Variants in RNF10 observed in about 807,000 individuals in gnomAD.
RNF10 encodes the protein E3 ubiquitin-protein ligase RNF10.
Under a neutral mutation model 91.4 loss-of-function variants are expected in RNF10, and 38 were observed. That is an observed-to-expected ratio of 0.42 (90% confidence interval 0.32 to 0.54). RNF10 has a LOEUF of 0.54. Ranked by LOEUF, RNF10 falls within the 20% of genes least tolerant of loss-of-function variation. The pLI is 0.16. For synonymous variants in RNF10, 364 were observed against 366.3 expected (o/e 0.99, Z 0.07); for missense variants, 945 against 1,012.0 (o/e 0.93, Z 0.90).
rs1393173589 is a variant in RNF10, at chr12:120,563,586, A to G, written c.1494A>G (p.Thr498=). The G allele has an allele frequency of 6.2e-7, 1 of 1,611,464 alleles. No homozygotes were observed. Among genetic ancestry groups the G allele is most frequent in the East Asian group, 2.2e-5 (1 of 44,864 alleles). Residue 498 remains threonine (T), a synonymous_variant, in exon 9 of 17, where the codon ACA becomes ACG. Transcript: ENST00000325954. ...AACCCATCACCAAGTCAGGCTTCAC[A>G]CGCCTCAGCAGCTCTCCTTGTTACT... is the stretch of plus-strand genomic sequence containing the variant. ...QQEPITKSGF[T]RLSSSPCYYF...
intron 14 of RNF10, among the ~76,000 whole-genome samples, chr12:120,573,234 C>G (rs1297924425): frequency 6.6e-6 from 1 of 152,120 alleles, no homozygotes; most frequent in Non-Finnish European, 1.5e-5. Context: ...ATTTATATCT[C>G]CACATTTGTC....
At chr12:120,566,412 ATCC>A (rs1875710120) in intron 12 of RNF10, among the ~76,000 whole-genome samples, 1 of 152,182 alleles carries the variant, frequency 6.6e-6, no homozygotes, top group Non-Finnish European at 1.5e-5. Context: ...TTTTGTCTGC[ATCC>A]TCTAGACCTT....
intron 14 of RNF10, among the ~76,000 whole-genome samples, chr12:120,574,069 G>T (rs1877041408): frequency 6.6e-6 from 1 of 152,190 alleles, no homozygotes; most frequent in Non-Finnish European, 1.5e-5. Flanking sequence ...CCCACTTCCA[G>T]CATTGGGGAT....
chr12:120,544,493 C>CA (rs1425725000), intron 1 of RNF10, among the ~76,000 whole-genome samples: 1 of 151,908 alleles, frequency 6.6e-6, no homozygotes, highest in Non-Finnish European at 1.5e-5. Context: ...CTCGTCTCTA[C>CA]AAAAAACACA....
At chr12:120,546,688 G>T in intron 2 of RNF10, 87 bp downstream of exon 2, 1 of 1,200,138 alleles carries the variant, frequency 8.3e-7, no homozygotes, top group Non-Finnish European at 1.2e-6. Context: ...TAGTTGAGAA[G>T]GGGAACAAGA....
chr12:120,574,723 C>T (rs1398485025), intron 14 of RNF10: 2 of 325,860 alleles, frequency 6.1e-6, no homozygotes, highest in South Asian at 2.5e-5. Context: ...GTCAGGAGTT[C>T]GAGACCAGCC....
In RNF10 at chr12:120,557,265, G is replaced by T; in HGVS notation, c.646-17G>T. 1 of 1,612,424 alleles carries T rather than the reference G, an allele frequency of 6.2e-7. No homozygotes were observed. ...AGTTCTTCAAGCAGTGAACCTTCTG[G>T]TGGCATTTTGTTTCAGCGCATTTGT... is the stretch of plus-strand genomic sequence containing the variant. On this transcript the variant is annotated splice_polypyrimidine_tract_variant and intron_variant, in intron 4 of 16. Coordinates refer to ENST00000325954, the MANE Select transcript of RNF10 (RefSeq NM_014868.5).
rs1877287598 is a variant in RNF10, at chr12:120,575,662, T to G, written c.2174T>G (p.Val725Gly). ...MLRVGKAKAD[V>G]WPKTAPKKDE... ...AGGGTTGGAAAAGCAAAAGCAGATGTGTGGCCCAAAACTGCTCCAAAGAAA... is the reference window on the plus strand; with the variant it reads ...AGGGTTGGAAAAGCAAAAGCAGATGGGTGGCCCAAAACTGCTCCAAAGAAA... The change falls in exon 15 of 17, where the codon GTG (valine) becomes GGG (glycine). Residue 725 changes from valine (V) to glycine (G), a missense_variant. Coordinates refer to ENST00000325954, the MANE Select transcript of RNF10 (RefSeq NM_014868.5). The G allele has an allele frequency of 6.2e-7, 1 of 1,614,228 alleles. No homozygotes were observed. The highest frequency in any genetic ancestry group is 1.3e-5 in the African/African-American group (1 of 75,058).
Position 120,576,801 on chromosome 12 carries a change from A to C in RNF10, c.*135A>C. 1 of 1,213,632 alleles carries C rather than the reference A, an allele frequency of 8.2e-7. No individual in the cohort carries two copies. Among genetic ancestry groups the C allele is most frequent in the South Asian group, 1.5e-5 (1 of 66,692 alleles). 75.2% of individuals were successfully genotyped at this position (1,213,632 alleles called of 1,614,324 possible). ...AGCTCTGGGGGGAGGGGGTTTCCAC[A>C]ATGTGAGGGGGAACCAAGAAAATTT... On this transcript the variant is annotated 3_prime_UTR_variant, in exon 17 of 17. Transcript: ENST00000325954.
At position 120,563,391 on chromosome 12, in the gene RNF10, A is replaced by T. The variant is rs16950277; in HGVS notation, c.1299A>T (p.Glu433Asp). The T allele has an allele frequency of 1.2e-5, 20 of 1,613,896 alleles. No homozygotes were observed. The African/African-American group carries it at 2.5e-4, about 20-fold the overall frequency. Reference protein sequence around the residue: ...YLSAFDEETTEVCSLDTPSRP... With the variant: ...YLSAFDEETTDVCSLDTPSRP... ...CTGCCTTCGATGAAGAAACCACGGAAGTTTGTTCTCTGGACACTCCTTCTA... is the reference window on the plus strand; with the variant it reads ...CTGCCTTCGATGAAGAAACCACGGATGTTTGTTCTCTGGACACTCCTTCTA... Residue 433 changes from glutamate (E) to aspartate (D), a missense_variant, in exon 9 of 17, where the codon GAA becomes GAT. Physicochemically the swap from Glu to Asp is conservative, Grantham distance 45. Transcript: ENST00000325954.
intron 2 of RNF10, among the ~76,000 whole-genome samples, chr12:120,550,666 G>A (rs566975114): frequency 1.1e-4 from 17 of 151,230 alleles, no homozygotes; most frequent in Admixed American, 7.9e-4. Context: ...GCGTGATCTC[G>A]GCTCACTGCC....
Position 120,560,739 on chromosome 12 carries a change from C to T in RNF10, c.981C>T (p.Ser327=). 6.2e-7 allele frequency: 1 copy of T among 1,613,844 alleles called. No homozygotes were observed. Among genetic ancestry groups the T allele is most frequent in the Non-Finnish European group, 8.5e-7 (1 of 1,179,810 alleles). The stretch of plus-strand genomic sequence containing the variant: ...GCATTCTTATAGATGAACAGCACAG[C>T]CAGTACTCCAAGTTGCTGCTGGCCT... ...HPIHLGDEQH[S]QYSKLLLASK... Residue 327 remains serine, a synonymous_variant, in exon 7 of 17, where the codon AGC becomes AGT. Transcript: ENST00000325954.
chr12:120,559,176 C>CTTTTTTTTTT (rs34120761), intron 6 of RNF10, among the ~76,000 whole-genome samples: 1 of 95,792 alleles, frequency 1.0e-5, no homozygotes, highest in Non-Finnish European at 1.9e-5. Flanking sequence ...TTGAACTACT[C>CTTTTTTTTTT]TTTTTTTTTT....
At chr12:120,550,350 G>A (rs555655164) in intron 2 of RNF10, among the ~76,000 whole-genome samples, 2 of 152,164 alleles carry the variant, frequency 1.3e-5, no homozygotes, top group South Asian at 2.1e-4. Context: ...TATGAGTGGC[G>A]TCAGAGAAAG....
Position 120,563,919 on chromosome 12 carries a change from GA to G in RNF10, c.1642del (p.Ile548LeufsTer43). 1 of 1,614,214 alleles carries G rather than the reference GA, an allele frequency of 6.2e-7. No individual in the cohort carries two copies. Among genetic ancestry groups the G allele is most frequent in the Non-Finnish European group, 8.5e-7 (1 of 1,180,048 alleles). ...AGAAGATCTCAGCAACTGTGGTGGA[GA>G]TTGCTGGCTACTCCATGTCTGAGGT... ...PEKISATVVE[I>X]AGYSMSEDVR... On this transcript the variant is annotated frameshift_variant, in exon 10 of 17. Coordinates refer to ENST00000325954, the MANE Select transcript of RNF10 (RefSeq NM_014868.5). LOFTEE classifies it high-confidence loss of function.
At chr12:120,561,853 C>G (rs1874879295) in intron 7 of RNF10, among the ~76,000 whole-genome samples, 1 of 152,214 alleles carries the variant, frequency 6.6e-6, no homozygotes, top group African/African-American at 2.4e-5. Flanking sequence ...AGAATTAGAG[C>G]TGTCCAGGCT....
At chr12:120,573,203 G>A (rs488313) in intron 14 of RNF10, among the ~76,000 whole-genome samples, 148,931 of 152,272 alleles carry the variant, frequency 0.98, 72,900 homozygotes, top group East Asian at 1. Context: ...CACTGCCACA[G>A]TAATATCTAA....
chr12:120,571,323 G>A, intron 14 of RNF10, 32 bp downstream of exon 14: 1 of 1,464,860 alleles, frequency 6.8e-7, no homozygotes, highest in Non-Finnish European at 9.6e-7. Flanking sequence ...CAGCCCAGGG[G>A]TATTTAACAT....
At chr12:120,554,437 C>T (rs574450010) in intron 3 of RNF10, 9 of 341,790 alleles carry the variant, frequency 2.6e-5, no homozygotes, top group South Asian at 5.8e-5. Context: ...GATGGAGTCA[C>T]GGTCTAGGTT....
Sources: gnomAD v4.1 joint callset for allele counts (sites outside exome capture counted in the v4.1 genomes callset) on GRCh38, gnomAD v4.1.1 for gene constraint, MANE v1.5 for transcripts, NCBI Gene and HGNC (gene_info 2026-07-23, HGNC 2026-07-21) for gene names.